Variants in NFAT5 observed in about 807,000 individuals in gnomAD.
NFAT5 encodes nuclear factor of activated T-cells 5.
NFAT5 carries 31 observed loss-of-function variants against 166.5 expected under a neutral mutation model. The observed-to-expected ratio is 0.19, with a 90% CI of 0.14 to 0.25. The LOEUF (loss-of-function observed/expected upper bound fraction) is 0.25. Among genes scored for constraint, NFAT5 ranks in the 10% least tolerant of loss-of-function variants. The pLI, the probability that NFAT5 is intolerant of heterozygous loss-of-function variation, is 1.00. For synonymous variants in NFAT5, 612 were observed against 639.7 expected, an observed-to-expected ratio of 0.96 and a Z score of 0.65; for missense variants, 1,449 against 1,821.8, an observed-to-expected ratio of 0.80 and a Z score of 3.72.
intron 3 of NFAT5, among the ~76,000 whole-genome samples, chr16:69,633,253 T>C (rs1047680510): frequency 6.6e-6 from 1 of 152,154 alleles, no homozygotes; most frequent in Non-Finnish European, 1.5e-5. Context: ...ATTACTTGAG[T>C]CAACAGAACA....
intron 4 of NFAT5, among the ~76,000 whole-genome samples, chr16:69,650,169 C>T (rs528942458): frequency 5.9e-5 from 9 of 152,058 alleles, no homozygotes; most frequent in East Asian, 1.9e-4. Flanking sequence ...AAGGATTATG[C>T]GGCACGAATA....
chr16:69,668,609 C>T (rs1464145683), intron 7 of NFAT5, among the ~76,000 whole-genome samples: 3 of 152,134 alleles, frequency 2.0e-5, no homozygotes, highest in Admixed American at 6.5e-5. Context: ...ACTGTTTCAG[C>T]CACCTTTGTA....
intron 2 of NFAT5, among the ~76,000 whole-genome samples, chr16:69,622,309 T>A (rs770098742): frequency 1.1e-4 from 17 of 152,192 alleles, no homozygotes; most frequent in Non-Finnish European, 2.4e-4. Context: ...CCTGTGCTGG[T>A]AATGACTATA....
rs1231004228 is a variant in NFAT5 at position 69,700,558 on chromosome 16, GTAATCT to G, written c.*4210_*4215del. 1.3e-5 allele frequency: 2 copies of G among 152,126 alleles called. No individual in the cohort carries two copies. Among genetic ancestry groups the G allele is most frequent in the Non-Finnish European group, 2.9e-5 (2 of 68,016 alleles). 9.4% of individuals were successfully genotyped at this position (152,126 alleles called of 1,614,324 possible). On this transcript the variant is annotated 3_prime_UTR_variant, in exon 15 of 15. Transcript: ENST00000349945. The stretch of plus-strand genomic sequence containing the variant: ...TGGTTATACATTTTCACCAGAAATA[GTAATCT>G]TACAATTTTTCATTTTTCTGATGAA...
At chr16:69,619,322 A>G (rs551283010) in intron 2 of NFAT5, among the ~76,000 whole-genome samples, 76 of 152,308 alleles carry the variant, frequency 5.0e-4, no homozygotes, top group African/African-American at 1.6e-3. Context: ...CTATCCGTGT[A>G]TAGCCCTAAT....
Position 69,698,187 on chromosome 16 carries a change from G to A in NFAT5, c.*1836G>A, listed in dbSNP as rs2037823806. On this transcript the variant is annotated 3_prime_UTR_variant, in exon 15 of 15. Coordinates refer to ENST00000349945, the MANE Select transcript of NFAT5 (RefSeq NM_138713.4). ...ACGTTTTCAGTAGTACAGGCTTCTT[G>A]CCGATATGAAGGGAACTTTTCAGAA... 6.6e-6 allele frequency: 1 copy of A among 152,070 alleles called. No individual in the cohort carries two copies. The highest frequency in any genetic ancestry group is 2.1e-4 in the South Asian group (1 of 4,824). 9.4% of individuals were successfully genotyped at this position (152,070 alleles called of 1,614,324 possible).
chr16:69,687,722 A>C (rs2037366437), intron 11 of NFAT5, among the ~76,000 whole-genome samples: 1 of 152,090 alleles, frequency 6.6e-6, no homozygotes, highest in East Asian at 1.9e-4. Flanking sequence ...GTTAAGCAGT[A>C]AGTGTATAGG....
intron 7 of NFAT5, among the ~76,000 whole-genome samples, chr16:69,664,605 G>A (rs758830473): frequency 6.6e-6 from 1 of 152,130 alleles, no homozygotes; most frequent in Non-Finnish European, 1.5e-5. Flanking sequence ...TTTTCAGACT[G>A]CTAGTTGAAA....
At chr16:69,570,114 A>G (rs1255410556) in intron 2 of NFAT5, among the ~76,000 whole-genome samples, 7 of 152,042 alleles carry the variant, frequency 4.6e-5, no homozygotes, top group South Asian at 2.1e-4. Context: ...AATACAGACA[A>G]CCATTTAGCA....
chr16:69,569,472 G>A (rs574423694), intron 2 of NFAT5, among the ~76,000 whole-genome samples: 8 of 152,184 alleles, frequency 5.3e-5, no homozygotes, highest in African/African-American at 1.9e-4. Flanking sequence ...AAATATTTAA[G>A]TTTGACTTGA....
chr16:69,600,784 C>T (rs944571305), intron 2 of NFAT5, among the ~76,000 whole-genome samples: 6 of 135,754 alleles, frequency 4.4e-5, no homozygotes, highest in African/African-American at 1.4e-4. Flanking sequence ...AAAAAAGGCT[C>T]CTGAGCTACT....
In NFAT5 at chr16:69,701,248, C is replaced by A. The variant is rs2037893768; in HGVS notation, c.*4897C>A. The A allele has an allele frequency of 6.6e-6, 1 of 152,376 alleles. No homozygotes were observed. The highest frequency in any genetic ancestry group is 1.5e-5 in the Non-Finnish European group (1 of 68,014). 9.4% of individuals were successfully genotyped at this position (152,376 alleles called of 1,614,324 possible). A position where few individuals can be genotyped will look rare whatever the true frequency, so the allele number is the denominator to read the frequency against. ...TACAGGCATGAGCCACCACATCCGG[C>A]CTAATTACTTCTTTAATCCCCATTT... On this transcript the variant is annotated 3_prime_UTR_variant, in exon 15 of 15. Coordinates refer to ENST00000349945, the MANE Select transcript of NFAT5 (RefSeq NM_138713.4).
At chr16:69,574,465 C>T (rs2142907693) in intron 2 of NFAT5, among the ~76,000 whole-genome samples, 1 of 152,068 alleles carries the variant, frequency 6.6e-6, no homozygotes, top group East Asian at 1.9e-4. Flanking sequence ...AGTATAAGAC[C>T]AATGATAATT....
At chr16:69,639,741 G>A (rs112498045) in intron 3 of NFAT5, among the ~76,000 whole-genome samples, 5 of 152,172 alleles carry the variant, frequency 3.3e-5, no homozygotes, top group African/African-American at 1.2e-4. Flanking sequence ...TACAGTGTAA[G>A]TGCATTGCTC....
intron 6 of NFAT5, among the ~76,000 whole-genome samples, chr16:69,657,307 T>C (rs1263691025): frequency 6.6e-6 from 1 of 151,720 alleles, no homozygotes; most frequent in African/African-American, 2.4e-5. Flanking sequence ...ATTTTTGTAT[T>C]TTAGTAGAGA....
intron 2 of NFAT5, among the ~76,000 whole-genome samples, chr16:69,622,847 GA>G (rs2034263497): frequency 2.9e-5 from 4 of 137,214 alleles, no homozygotes; most frequent in Non-Finnish European, 6.3e-5. Flanking sequence ...AAAAAAAAAA[GA>G]AAAAAATAGA....
chr16:69,693,234 T>C lies in NFAT5; in HGVS notation c.3409T>C (p.Ser1137Pro). 6.2e-7 allele frequency: 1 copy of C among 1,614,184 alleles called. No individual in the cohort carries two copies. The highest frequency in any genetic ancestry group is 8.5e-7 in the Non-Finnish European group (1 of 1,180,030). The part of the protein sequence containing the change: ...SEQMQPPMFH[S>P]QSTIAVLQGS... ...ACAAATGCAGCCTCCAATGTTTCAC[T>C]CTCAAAGTACCATTGCTGTGTTACA... Residue 1137 changes from serine (S) to proline (P), a missense_variant, in exon 13 of 15, where the codon TCT (serine) becomes CCT (proline). By Grantham distance (74) the Ser-to-Pro change is moderately conservative. Around this residue, in one of 7 missense-constraint regions of NFAT5, gnomAD observed 891 missense variants for 993.0 expected, o/e 0.90. Coordinates refer to ENST00000349945, the MANE Select transcript of NFAT5 (RefSeq NM_138713.4).
At chr16:69,598,344 C>T (rs947605069) in intron 2 of NFAT5, among the ~76,000 whole-genome samples, 6 of 144,120 alleles carry the variant, frequency 4.2e-5, no homozygotes, top group Non-Finnish European at 6.0e-5. Context: ...CACCACTGCA[C>T]GCCAGCCTGG....
rs185392254 is a variant in NFAT5 at position 69,567,760 on chromosome 16, T to G, written c.74-735T>G. On this transcript the variant is annotated intron_variant, in intron 1 of 14. Transcript: ENST00000349945. Reference sequence around the variant, plus strand: ...TTTCGGGCAACATTACCTGAGGTACTTTAGAAATATTGTAGTTTTGAATGT... The same window carrying G: ...TTTCGGGCAACATTACCTGAGGTACGTTAGAAATATTGTAGTTTTGAATGT... Among the ~76,000 whole-genome samples, 738 of 152,224 alleles carry G rather than the reference T, an allele frequency of 4.8e-3. 4 individuals carry two copies. The highest frequency in any genetic ancestry group is 5.8e-3 in the Non-Finnish European group (395 of 68,006).
Sources: allele counts gnomAD v4.1 joint callset (sites outside exome capture counted in the v4.1 genomes callset), GRCh38; gene constraint gnomAD v4.1.1; regional missense constraint gnomAD v4.1.1; transcripts MANE v1.5; gene names NCBI Gene and HGNC (gene_info 2026-07-23, HGNC 2026-07-21).